Variants in RANBP2 observed in about 807,000 individuals in gnomAD.
RANBP2 encodes the protein RAN binding protein 2, also known as E3 SUMO-protein ligase RanBP2.
A neutral mutation model predicts 303.6 loss-of-function variants in RANBP2; 57 were observed. That is an observed-to-expected ratio of 0.19 (90% CI 0.15 to 0.23). The LOEUF is 0.23. RANBP2 is among the 10% of genes least tolerant of loss of function. RANBP2 has a pLI of 1.00. For synonymous variants in RANBP2, 1,167 were observed against 1,301.5 expected, an observed-to-expected ratio of 0.90 and a Z score of 2.23; for missense variants, 3,138 against 3,780.8, an observed-to-expected ratio of 0.83 and a Z score of 4.46.
At chr2:109,454,780 T>A in the RANBP2 span, among the ~76,000 whole-genome samples, 1 of 152,120 alleles carries the variant, frequency 6.6e-6, no homozygotes, top group Non-Finnish European at 1.5e-5. Context: ...TAAAACTTAA[T>A]TCAAAAACAT....
At chr2:108,958,607 G>A in the RANBP2 span, among the ~76,000 whole-genome samples, 2 of 152,242 alleles carry the variant, frequency 1.3e-5, no homozygotes, top group East Asian at 3.9e-4. Flanking sequence ...CCTATTGCTC[G>A]GGACAGCTAG....
At chr2:109,023,906 C>A in the RANBP2 span, among the ~76,000 whole-genome samples, 3 of 151,966 alleles carry the variant, frequency 2.0e-5, no homozygotes, top group South Asian at 6.2e-4. Context: ...ATTTTGTGAT[C>A]ACTGCTTATA....
chr2:109,130,463 T>C, the RANBP2 span, among the ~76,000 whole-genome samples: 3 of 152,202 alleles, frequency 2.0e-5, no homozygotes, highest in South Asian at 4.2e-4. Context: ...CCCCAGACAC[T>C]CCCTCTGCAC....
the RANBP2 span, among the ~76,000 whole-genome samples, chr2:109,214,013 G>A: frequency 6.6e-6 from 1 of 152,202 alleles, no homozygotes; most frequent in African/African-American, 2.4e-5. Flanking sequence ...AGGGGAGGGA[G>A]GAGCTCTGAG....
the RANBP2 span, among the ~76,000 whole-genome samples, chr2:109,060,913 AGTC>A: frequency 6.6e-6 from 1 of 152,202 alleles, no homozygotes; most frequent in Non-Finnish European, 1.5e-5. Context: ...ATTTAGAAAA[AGTC>A]AAAAGAAAAA....
At chr2:109,465,156 G>A in the RANBP2 span, among the ~76,000 whole-genome samples, 4 of 152,198 alleles carry the variant, frequency 2.6e-5, no homozygotes, top group Non-Finnish European at 4.4e-5. Flanking sequence ...TAGTAGCTCA[G>A]TTCTTTTTAG....
chr2:109,365,034 GACAC>G, the RANBP2 span, among the ~76,000 whole-genome samples: 2 of 149,494 alleles, frequency 1.3e-5, no homozygotes, highest in African/African-American at 2.5e-5. Context: ...AAGAAACACA[GACAC>G]ACACACACAT....
chr2:109,226,094 A>G, the RANBP2 span, among the ~76,000 whole-genome samples: 1,005 of 152,336 alleles, frequency 6.6e-3, 2 homozygotes, highest in Middle Eastern at 0.014. Flanking sequence ...TTTTTGACTC[A>G]GGCTAAATCA....
the RANBP2 span, among the ~76,000 whole-genome samples, chr2:109,453,081 G>A: frequency 1.9e-3 from 291 of 152,298 alleles, 1 homozygote; most frequent in Admixed American, 3.3e-3. Flanking sequence ...TGTTCCCTGC[G>A]TGGCCCGATG....
chr2:109,082,909 T>C, the RANBP2 span, among the ~76,000 whole-genome samples: 3 of 146,724 alleles, frequency 2.0e-5, no homozygotes, highest in Non-Finnish European at 3.0e-5. Context: ...CACTGCAAGC[T>C]CCGCCTCCTG....
chr2:109,102,687 TG>T, the RANBP2 span, among the ~76,000 whole-genome samples: 1 of 151,968 alleles, frequency 6.6e-6, no homozygotes, highest in Non-Finnish European at 1.5e-5. Flanking sequence ...GGCAGAGCCT[TG>T]GGGGAGAGGG....
the RANBP2 span, among the ~76,000 whole-genome samples, chr2:109,627,474 G>A: frequency 6.6e-6 from 1 of 152,212 alleles, no homozygotes; most frequent in Admixed American, 6.5e-5. Context: ...TGGGATTACA[G>A]GCATGAGCCA....
the RANBP2 span, among the ~76,000 whole-genome samples, chr2:109,100,965 A>G: frequency 1.3e-5 from 2 of 152,186 alleles, no homozygotes; most frequent in Non-Finnish European, 2.9e-5. Flanking sequence ...CAAAAATCCA[A>G]TGGTGCAATA....
At chr2:108,734,602 TGTGTTTACAG>T (rs549175526) in intron 4 of RANBP2, among the ~76,000 whole-genome samples, 185 of 152,236 alleles carry the variant, frequency 1.2e-3, no homozygotes, top group African/African-American at 4.4e-3. Flanking sequence ...TATATTTATA[TGTGTTTACAG>T]GTGTTTAAAA....
the RANBP2 span, among the ~76,000 whole-genome samples, chr2:108,927,553 C>T: frequency 6.6e-6 from 1 of 152,178 alleles, no homozygotes; most frequent in Non-Finnish European, 1.5e-5. Context: ...CAGGTCTGAA[C>T]CGTAGCCAGG....
the RANBP2 span, chr2:109,615,723 C>T: frequency 2.0e-5 from 32 of 1,613,528 alleles, no homozygotes; most frequent in Non-Finnish European, 2.4e-5. Context: ...CGGCGGCGGG[C>T]GCTGGAGGCT....
the RANBP2 span, among the ~76,000 whole-genome samples, chr2:109,153,339 CTCT>C: frequency 1.7e-4 from 26 of 152,088 alleles, no homozygotes; most frequent in African/African-American, 5.8e-4. Context: ...CTTTTTTTCT[CTCT>C]TCTTCTTAGT....
the RANBP2 span, among the ~76,000 whole-genome samples, chr2:109,199,329 A>AATAAAATAAATAAAATAAAAT: frequency 7.4e-3 from 8 of 1,078 alleles, no homozygotes; most frequent in Middle Eastern, 0.1. Flanking sequence ...CTCAAAAAGT[A>AATAAAATAAATAAAATAAAAT]AAATGGAATG....
the RANBP2 span, among the ~76,000 whole-genome samples, chr2:109,033,599 T>G: frequency 6.6e-6 from 1 of 152,172 alleles, no homozygotes; most frequent in African/African-American, 2.4e-5. Context: ...AAGGAAGCAG[T>G]CACAATGTAG....
Sources: gnomAD v4.1 joint callset for allele counts (sites outside exome capture counted in the v4.1 genomes callset) on GRCh38, gnomAD v4.1.1 for gene constraint, MANE v1.5 for transcripts, NCBI Gene and HGNC (gene_info 2026-07-23, HGNC 2026-07-21) for gene names.